The following GNAI1 variants were observed in gnomAD, a reference collection of about 807,000 sequenced individuals.
The protein encoded by GNAI1 is guanine nucleotide-binding protein G(i) subunit alpha-1.
GNAI1 carries 11 observed loss-of-function variants against 38.9 expected under a neutral mutation model. The ratio of observed to expected loss-of-function variants is 0.28; its 90% CI spans 0.18 to 0.47. The LOEUF (loss-of-function observed/expected upper bound fraction) is 0.47. Among genes scored for constraint, GNAI1 ranks in the 20% least tolerant of loss-of-function variants. The pLI, the probability that GNAI1 is intolerant of heterozygous loss-of-function variation, is 0.99. For synonymous variants in GNAI1, 166 were observed against 145.1 expected, an observed-to-expected ratio of 1.14 and a Z score of -1.04; for missense variants, 317 against 436.9, an observed-to-expected ratio of 0.73 and a Z score of 2.45.
intron 7 of GNAI1, among the ~76,000 whole-genome samples, chr7:80,216,715 G>T (rs2115724739): frequency 6.6e-6 from 1 of 152,230 alleles, no homozygotes; most frequent in African/African-American, 2.4e-5. Flanking sequence ...AATTTCTGGA[G>T]TGTTTGTACT....
chr7:80,166,090 T>A (rs1189853754), intron 1 of GNAI1, among the ~76,000 whole-genome samples: 2 of 152,156 alleles, frequency 1.3e-5, no homozygotes, highest in Non-Finnish European at 2.9e-5. Flanking sequence ...GAAAAATAAA[T>A]ACAGAATCCT....
At chr7:80,176,511 A>G (rs1381401097) in intron 1 of GNAI1, among the ~76,000 whole-genome samples, 1 of 152,240 alleles carries the variant, frequency 6.6e-6, no homozygotes, top group Non-Finnish European at 1.5e-5. Flanking sequence ...ATAGCTAGAG[A>G]GGAAAAGTCA....
intron 3 of GNAI1, among the ~76,000 whole-genome samples, chr7:80,196,932 C>T (rs1273080072): frequency 6.6e-6 from 1 of 151,876 alleles, no homozygotes; most frequent in Non-Finnish European, 1.5e-5. Context: ...ACTAGAAGAG[C>T]AGTTAAAACC....
intron 1 of GNAI1, among the ~76,000 whole-genome samples, chr7:80,158,894 C>T (rs1226863579): frequency 6.6e-6 from 1 of 152,178 alleles, no homozygotes; most frequent in African/African-American, 2.4e-5. Context: ...CTGGATTCTA[C>T]AGGAACTCTT....
chr7:80,163,216 C>T lies in GNAI1; in HGVS notation c.119-25735C>T, dbSNP rs189835971. On this transcript the variant is annotated intron_variant, in intron 1 of 7. Coordinates refer to ENST00000649796, the MANE Select transcript of GNAI1 (RefSeq NM_002069.6). The stretch of plus-strand genomic sequence containing the variant: ...TGAAATACAGAATGGTCCCTATCCC[C>T]CAGGACCCCTCAATATTTTATTTAA... Among the ~76,000 whole-genome samples, 6 of 152,274 alleles carry T rather than the reference C, an allele frequency of 3.9e-5. No individual in the cohort carries two copies. In the East Asian group the frequency reaches 9.7e-4, roughly 25 times the overall value.
chr7:80,193,054 C>T (rs893869785), intron 3 of GNAI1, among the ~76,000 whole-genome samples: 1 of 151,382 alleles, frequency 6.6e-6, no homozygotes, highest in East Asian at 1.9e-4. Flanking sequence ...TACTGTCATT[C>T]TACTGAGAGT....
At chr7:80,182,735 G>A (rs1290309823) in intron 1 of GNAI1, among the ~76,000 whole-genome samples, 1 of 148,990 alleles carries the variant, frequency 6.7e-6, no homozygotes, top group Admixed American at 6.8e-5. Context: ...CTAAGAGATT[G>A]AAAAGACAAA....
chr7:80,164,370 T>G (rs569401602), intron 1 of GNAI1, among the ~76,000 whole-genome samples: 2 of 151,390 alleles, frequency 1.3e-5, no homozygotes, highest in East Asian at 3.9e-4. Context: ...TTCCTTTTTT[T>G]CTTTTTTTTT....
intron 1 of GNAI1, chr7:80,187,262 AAG>A (rs1195996423): frequency 7.2e-6 from 1 of 139,046 alleles, no homozygotes; most frequent in Non-Finnish European, 1.6e-5. Flanking sequence ...TGGAGAGGGA[AAG>A]AGGTAAAGGG....
chr7:80,213,018 C>T (rs1295298164), intron 7 of GNAI1, 149 bp downstream of exon 7: 3 of 528,426 alleles, frequency 5.7e-6, no homozygotes, highest in African/African-American at 4.0e-5. Flanking sequence ...TGCAGTTGAG[C>T]ATAAAAATTT....
intron 1 of GNAI1, among the ~76,000 whole-genome samples, chr7:80,160,822 C>A (rs1787911729): frequency 2.0e-5 from 3 of 152,054 alleles, no homozygotes; most frequent in Non-Finnish European, 4.4e-5. Flanking sequence ...TTTTTATATT[C>A]TTTCCATTTA....
At chr7:80,162,081 A>G (rs1187434737) in intron 1 of GNAI1, among the ~76,000 whole-genome samples, 1 of 152,120 alleles carries the variant, frequency 6.6e-6, no homozygotes, top group Non-Finnish European at 1.5e-5. Context: ...ATTGGGTTGG[A>G]ATGAGGTCAT....
rs113483836 is a variant in GNAI1, at chr7:80,218,186, A to G, written c.*693A>G. 6.6e-6 allele frequency: 1 copy of G among 152,220 alleles called. No homozygotes were observed. The highest frequency in any genetic ancestry group is 2.4e-5 in the African/African-American group (1 of 41,464). The allele number at this position is 152,220 out of a possible 1,614,324, so 9.4% of individuals were successfully genotyped here. On this transcript the variant is annotated 3_prime_UTR_variant, in exon 8 of 8. Coordinates refer to ENST00000649796, the MANE Select transcript of GNAI1 (RefSeq NM_002069.6). ...ATTTTTCCTACTTTAAGAAAATAAA[A>G]TAATTTAATTTTACATTAGATTCCA...
chr7:80,200,859 T>A (rs550735361), intron 4 of GNAI1, among the ~76,000 whole-genome samples: 5 of 152,326 alleles, frequency 3.3e-5, no homozygotes, highest in Non-Finnish European at 7.3e-5. Flanking sequence ...CCAACTGGTA[T>A]CATATCCTAT....
chr7:80,165,877 A>G (rs1212355991), intron 1 of GNAI1, among the ~76,000 whole-genome samples: 1 of 152,166 alleles, frequency 6.6e-6, no homozygotes, highest in East Asian at 1.9e-4. Flanking sequence ...CATTTGGACA[A>G]TATTATCTCG....
At chr7:80,211,195 A>G (rs1421441348) in intron 6 of GNAI1, 97 bp downstream of exon 6, 1 of 1,032,112 alleles carries the variant, frequency 9.7e-7, no homozygotes, top group Admixed American at 2.4e-5. Flanking sequence ...TTGAAAGTAC[A>G]GGGTCTTTCC....
intron 1 of GNAI1, among the ~76,000 whole-genome samples, chr7:80,167,750 A>G (rs1408041811): frequency 6.6e-6 from 1 of 152,212 alleles, no homozygotes; most frequent in Non-Finnish European, 1.5e-5. Flanking sequence ...TGGCATGCAG[A>G]AATGGTGTTC....
At chr7:80,199,488 C>A in intron 4 of GNAI1, 106 bp downstream of exon 4, 2 of 789,296 alleles carry the variant, frequency 2.5e-6, no homozygotes, top group African/African-American at 1.7e-5. Flanking sequence ...CATTCTTGTA[C>A]AACTTAGGAT....
At chr7:80,163,808 T>G (rs1787964198) in intron 1 of GNAI1, among the ~76,000 whole-genome samples, 1 of 152,136 alleles carries the variant, frequency 6.6e-6, no homozygotes, top group Non-Finnish European at 1.5e-5. Flanking sequence ...GTATTGAACA[T>G]AAGAATATCA....
Sources: gnomAD v4.1 joint callset for allele counts (sites outside exome capture counted in the v4.1 genomes callset) on GRCh38, gnomAD v4.1.1 for gene constraint, MANE v1.5 for transcripts, NCBI Gene and HGNC (gene_info 2026-07-23, HGNC 2026-07-21) for gene names.